Variants in RILPL1 observed in about 807,000 individuals in gnomAD.
RILPL1 encodes Rab interacting lysosomal protein like 1, also known as RILP-like protein 1.
A neutral mutation model predicts 50.3 loss-of-function variants in RILPL1; 33 were observed. That is an observed-to-expected ratio of 0.66 (90% confidence interval 0.50 to 0.88). RILPL1 has a LOEUF of 0.88. RILPL1 is among the 40% of genes least tolerant of loss of function. The probability of loss-of-function intolerance (pLI) is 0.00; values close to 1 mark genes in which losing one functional copy is unlikely to be tolerated. For missense variants in RILPL1, 418 were observed against 542.5 expected (o/e 0.77, Z 2.28); for synonymous variants, 205 against 228.6 (o/e 0.90, Z 0.93).
rs1285105353 is a variant in RILPL1 at position 123,474,078 on chromosome 12, G to A, written c.1068-1396C>T. 4 of 152,142 alleles carry A rather than the reference G, an allele frequency of 2.6e-5. 1 individual carries two copies. Among genetic ancestry groups the A allele is most frequent in the African/African-American group, 9.7e-5 (4 of 41,428 alleles). 9.4% of individuals were successfully genotyped at this position (152,142 alleles called of 1,614,324 possible). On this transcript the variant is annotated intron_variant, in intron 6 of 6. Transcript: ENST00000376874. ...TTTTTGTATTTTTAGTAGAGATGGG[G>A]TTTCACCATGCTGACCAAGGTGGTC...
intron 4 of RILPL1, among the ~76,000 whole-genome samples, chr12:123,488,411 A>G (rs1882481220): frequency 6.6e-6 from 1 of 151,062 alleles, no homozygotes; most frequent in Non-Finnish European, 1.5e-5. Context: ...ACTGCACTTA[A>G]GGCAGTGTCT....
At chr12:123,494,426 C>A (rs138655738) in intron 4 of RILPL1, among the ~76,000 whole-genome samples, 17 of 152,354 alleles carry the variant, frequency 1.1e-4, no homozygotes, top group Non-Finnish European at 1.9e-4. Flanking sequence ...CTCCTCTCTT[C>A]CCTGCCCCAT....
chr12:123,529,728 G>GA (rs977028370), intron 1 of RILPL1, among the ~76,000 whole-genome samples: 3 of 150,672 alleles, frequency 2.0e-5, no homozygotes, highest in East Asian at 3.9e-4. Context: ...GTCTCTAAAG[G>GA]AAAAAAAAAT....
At chr12:123,521,903 G>T (rs1458897361) in intron 2 of RILPL1, among the ~76,000 whole-genome samples, 1 of 151,626 alleles carries the variant, frequency 6.6e-6, no homozygotes, top group Non-Finnish European at 1.5e-5. Context: ...CTCCTGAGTA[G>T]CTGGGACTCT....
chr12:123,475,649 C>T (rs1323431415), intron 6 of RILPL1: 1 of 1,559,726 alleles, frequency 6.4e-7, no homozygotes, highest in Non-Finnish European at 8.7e-7. Flanking sequence ...ACCCAAAACA[C>T]ACACAGTGCC....
chr12:123,520,526 T>C (rs956229004), intron 2 of RILPL1, among the ~76,000 whole-genome samples: 3 of 152,134 alleles, frequency 2.0e-5, no homozygotes, highest in Non-Finnish European at 2.9e-5. Context: ...GCCACTGCAT[T>C]ACAGCCTGGT....
At chr12:123,496,690 C>A (rs1566123930) in intron 4 of RILPL1, among the ~76,000 whole-genome samples, 1 of 152,222 alleles carries the variant, frequency 6.6e-6, no homozygotes, top group Non-Finnish European at 1.5e-5. Flanking sequence ...GAAACCCCAC[C>A]TCCCCACCTC....
chr12:123,531,110 T>G (rs1885428466), intron 1 of RILPL1, among the ~76,000 whole-genome samples: 1 of 125,004 alleles, frequency 8.0e-6, no homozygotes, highest in South Asian at 2.4e-4. Context: ...TTTGAGACTC[T>G]GCAGGAAAAA....
chr12:123,521,060 C>T (rs1169027875), intron 2 of RILPL1, among the ~76,000 whole-genome samples: 1 of 152,132 alleles, frequency 6.6e-6, no homozygotes, highest in African/African-American at 2.4e-5. Flanking sequence ...AATCACTCTC[C>T]CTCTCTCAGT....
At chr12:123,528,353 T>C (rs1885330194) in intron 1 of RILPL1, among the ~76,000 whole-genome samples, 4 of 108,470 alleles carry the variant, frequency 3.7e-5, no homozygotes, top group African/African-American at 8.2e-5. Context: ...AGTGAGATGC[T>C]GTCTCAAAAA....
chr12:123,499,150 G>A (rs1883208155), intron 3 of RILPL1, among the ~76,000 whole-genome samples: 1 of 152,208 alleles, frequency 6.6e-6, no homozygotes, highest in South Asian at 2.1e-4. Context: ...AGGCCTTGGG[G>A]TCAGAGCAAA....
chr12:123,532,888 T>C (rs1169716895), intron 1 of RILPL1, among the ~76,000 whole-genome samples: 1 of 152,088 alleles, frequency 6.6e-6, no homozygotes, highest in Non-Finnish European at 1.5e-5. Context: ...GGTGAGGAAA[T>C]AAAGCACAGA....
rs1041446995 is a variant in RILPL1, at chr12:123,522,961, C to T, written c.460+534G>A. Among the ~76,000 whole-genome samples, 5 of 152,064 alleles carry T rather than the reference C, an allele frequency of 3.3e-5. No homozygotes were observed. Reference sequence around the variant, plus strand: ...GCCTTTGCATGACTGCCCCTGCAACCCCCGACCCAACAAATGCAGATATTT... The same window carrying T: ...GCCTTTGCATGACTGCCCCTGCAACTCCCGACCCAACAAATGCAGATATTT... On this transcript the variant is annotated intron_variant, in intron 2 of 6. Transcript: ENST00000376874. The surrounding 1 kb of genome is among the most constrained non-coding windows in gnomAD (Gnocchi z 4.0).
At position 123,490,100 on chromosome 12, in the gene RILPL1, G is replaced by A. The variant is rs111341087; in HGVS notation, c.802-4295C>T. Among the ~76,000 whole-genome samples, 474 of 151,876 alleles carry A rather than the reference G, an allele frequency of 3.1e-3. 1 individual carries two copies. The highest frequency in any genetic ancestry group is 9.6e-3 in the African/African-American group (396 of 41,428). ...CAGCAGTGGCCCCTGCTATGGACCCGAACCCCAAGCTCCCTCCAGTCCCTT... is the reference window on the plus strand; with the variant it reads ...CAGCAGTGGCCCCTGCTATGGACCCAAACCCCAAGCTCCCTCCAGTCCCTT... On this transcript the variant is annotated intron_variant, in intron 4 of 6. Coordinates refer to ENST00000376874, the MANE Select transcript of RILPL1 (RefSeq NM_178314.5).
intron 6 of RILPL1, 61 bp downstream of exon 6, chr12:123,484,118 AG>A: frequency 9.1e-7 from 1 of 1,097,240 alleles, no homozygotes; most frequent in African/African-American, 1.5e-5. Context: ...AAGGAGGAAA[AG>A]TCAAAGGACA....
intron 4 of RILPL1, among the ~76,000 whole-genome samples, chr12:123,487,001 GT>G (rs1882383264): frequency 6.6e-6 from 1 of 152,106 alleles, no homozygotes; most frequent in Non-Finnish European, 1.5e-5. Flanking sequence ...GTTTCACCAT[GT>G]TGGCCAGACT....
intron 2 of RILPL1, among the ~76,000 whole-genome samples, chr12:123,500,138 G>T (rs909002554): frequency 2.0e-5 from 3 of 151,898 alleles, no homozygotes; most frequent in African/African-American, 4.8e-5. Context: ...CACCGTGTTA[G>T]CCAGGATGGT....
At chr12:123,479,569 C>T (rs928839256) in intron 6 of RILPL1, among the ~76,000 whole-genome samples, 3 of 152,118 alleles carry the variant, frequency 2.0e-5, no homozygotes, top group Non-Finnish European at 4.4e-5. Context: ...CCTCTGGGCT[C>T]ACAGGCTGCT....
chr12:123,486,610 T>G (rs1405504073), intron 4 of RILPL1, among the ~76,000 whole-genome samples: 1 of 152,164 alleles, frequency 6.6e-6, no homozygotes, highest in East Asian at 1.9e-4. Flanking sequence ...TTCTAGAACA[T>G]TTTCTTCATA....
Sources: allele counts gnomAD v4.1 joint callset (sites outside exome capture counted in the v4.1 genomes callset), GRCh38; gene constraint gnomAD v4.1.1; non-coding constraint Gnocchi (gnomAD v3.1); transcripts MANE v1.5; gene names NCBI Gene and HGNC (gene_info 2026-07-23, HGNC 2026-07-21).